RIPK1: variants seen among roughly 807,000 people sequenced by gnomAD.
RIPK1 encodes receptor-interacting serine/threonine-protein kinase 1.
Under a neutral mutation model 62.4 loss-of-function variants are expected in RIPK1, and 27 were observed. The ratio of observed to expected loss-of-function variants is 0.43; its 90% confidence interval spans 0.32 to 0.60. RIPK1 has a LOEUF of 0.60. Among genes scored for constraint, RIPK1 ranks in the 20% least tolerant of loss-of-function variants. RIPK1 has a pLI of 0.07. For synonymous variants in RIPK1, 287 were observed against 303.2 expected (o/e 0.95, Z 0.55); for missense variants, 735 against 831.0 (o/e 0.88, Z 1.42).
intron 9 of RIPK1, among the ~76,000 whole-genome samples, chr6:3,109,826 ACT>A (rs1761061245): frequency 6.6e-6 from 1 of 151,658 alleles, no homozygotes; most frequent in Non-Finnish European, 1.5e-5. Context: ...CCACCATTCT[ACT>A]CTCTGTTTCT....
chr6:3,067,061 T>TTTTC (rs1270176558), upstream of RIPK1, among the ~76,000 whole-genome samples: 2 of 148,484 alleles, frequency 1.3e-5, no homozygotes, highest in Admixed American at 1.3e-4. Flanking sequence ...ATTTTTTTTT[T>TTTTC]TTTTTTTTTT....
chr6:3,081,048 G>A lies in RIPK1; in HGVS notation c.391G>A (p.Gly131Arg). The change falls in exon 4 of 11, where the codon GGA (glycine) becomes AGA (arginine). Residue 131 changes from glycine (G) to arginine (R), a missense_variant. Physicochemically the swap from Gly to Arg is moderately radical, Grantham distance 125. Coordinates refer to ENST00000259808, the MANE Select transcript of RIPK1 (RefSeq NM_001354930.2). ...EIIEGMCYLH[G>R]KGVIHKDLKP... ...CATTGAAGGAATGTGCTACTTACAT[G>A]GAAAAGGCGTGATACACAAGGACCT... is the stretch of plus-strand genomic sequence containing the variant. The A allele has an allele frequency of 6.2e-6, 10 of 1,614,118 alleles. No homozygotes were observed. The highest frequency in any genetic ancestry group is 7.6e-6 in the Non-Finnish European group (9 of 1,179,964).
Position 3,100,191 on chromosome 6 carries a change from T to G in RIPK1, c.916-4034T>G, listed in dbSNP as rs113815272. Among the ~76,000 whole-genome samples the G allele has an allele frequency of 5.3e-3, 801 of 151,644 alleles. 7 individuals are homozygous for G. The highest frequency in any genetic ancestry group is 0.019 in the African/African-American group (784 of 41,300). ...AATTCCAGCACTATGGGAGGCGGAGTTGTACAGATCACTTGAGGTGAGGAG... is the reference window on the plus strand; with the variant it reads ...AATTCCAGCACTATGGGAGGCGGAGGTGTACAGATCACTTGAGGTGAGGAG... On this transcript the variant is annotated intron_variant, in intron 7 of 10. Coordinates refer to ENST00000259808, the MANE Select transcript of RIPK1 (RefSeq NM_001354930.2).
intron 7 of RIPK1, among the ~76,000 whole-genome samples, chr6:3,094,915 A>G (rs933908208): frequency 5.9e-5 from 9 of 152,096 alleles, no homozygotes; most frequent in African/African-American, 2.4e-5. Flanking sequence ...AAAATAAAAA[A>G]TTAATGAGAC....
chr6:3,064,180 G>C (rs1324998267), upstream of RIPK1: 1 of 152,372 alleles, frequency 6.6e-6, no homozygotes, highest in Admixed American at 6.5e-5. Context: ...AGAGCCCCGG[G>C]GAGGCGGTGG....
At chr6:3,109,444 GAGGGT>G (rs1761041989) in intron 9 of RIPK1, among the ~76,000 whole-genome samples, 1 of 152,080 alleles carries the variant, frequency 6.6e-6, no homozygotes, top group Non-Finnish European at 1.5e-5. Flanking sequence ...TCAGAGACAA[GAGGGT>G]AGGGCAGAGC....
At position 3,068,667 on chromosome 6, in the gene RIPK1, C is replaced by A; in HGVS notation, c.-61+6C>A. On this transcript the variant is annotated splice_donor_region_variant and intron_variant, in intron 1 of 10. Coordinates refer to ENST00000259808, the MANE Select transcript of RIPK1 (RefSeq NM_001354930.2). ...CGGCCACGGAGAAGGGCGCGGTGAG[C>A]GGACTGGCACCGCGCGGGGAACATT... is the stretch of plus-strand genomic sequence containing the variant. 1 of 985,144 alleles carries A rather than the reference C, an allele frequency of 1.0e-6. No individual in the cohort carries two copies. The highest frequency in any genetic ancestry group is 1.2e-6 in the Non-Finnish European group (1 of 829,770). The allele number at this position is 985,144 out of a possible 1,614,324, so 61.0% of individuals were successfully genotyped here. A position where few individuals can be genotyped will look rare whatever the true frequency, so the allele number is the denominator to read the frequency against.
chr6:3,082,714 A>G (rs1409987080), intron 4 of RIPK1, among the ~76,000 whole-genome samples: 1 of 152,070 alleles, frequency 6.6e-6, no homozygotes, highest in Non-Finnish European at 1.5e-5. Context: ...GAAAATAACC[A>G]TTTTCCCCCC....
chr6:3,081,568 G>C (rs768883376), intron 4 of RIPK1, among the ~76,000 whole-genome samples: 2 of 152,096 alleles, frequency 1.3e-5, no homozygotes, highest in African/African-American at 4.8e-5. Context: ...TGGCCTAAGA[G>C]TGAGATCAGC....
Position 3,081,133 on chromosome 6 carries a change from AG to A in RIPK1, c.459+19del. The stretch of plus-strand genomic sequence containing the variant: ...CACATTAAGGTAAACCATCATCGGT[AG>A]GCTTCCAGAAAGTTGGGTGATTTTA... On this transcript the variant is annotated intron_variant, in intron 4 of 10. Transcript: ENST00000259808. 1 of 1,609,018 alleles carries A rather than the reference AG, an allele frequency of 6.2e-7. No homozygotes were observed. Among genetic ancestry groups the A allele is most frequent in the East Asian group, 2.2e-5 (1 of 44,840 alleles).
intron 7 of RIPK1, among the ~76,000 whole-genome samples, chr6:3,103,301 TTTA>T (rs1293023892): frequency 1.4e-5 from 2 of 140,882 alleles, no homozygotes; most frequent in African/African-American, 6.5e-5. Context: ...ATTTTATTTA[TTTA>T]TTTTTTTTTT....
intron 7 of RIPK1, among the ~76,000 whole-genome samples, chr6:3,100,591 GT>G (rs1380759550): frequency 1.3e-5 from 2 of 151,916 alleles, no homozygotes; most frequent in East Asian, 1.9e-4. Context: ...ATCTTTGGGG[GT>G]TTTTTTGGTT....
At chr6:3,087,392 C>T (rs1759754703) in intron 6 of RIPK1, among the ~76,000 whole-genome samples, 1 of 151,572 alleles carries the variant, frequency 6.6e-6, no homozygotes, top group South Asian at 2.1e-4. Flanking sequence ...GTTATAGTCC[C>T]ACAGGTCCCT....
upstream of RIPK1, among the ~76,000 whole-genome samples, chr6:3,066,125 G>A (rs190760830): frequency 1.7e-3 from 262 of 152,314 alleles, no homozygotes; most frequent in African/African-American, 5.9e-3. Flanking sequence ...CTGGGTTCAA[G>A]CAATTCTCCC....
At chr6:3,107,570 A>G (rs974948188) in intron 9 of RIPK1, among the ~76,000 whole-genome samples, 190 of 151,144 alleles carry the variant, frequency 1.3e-3, no homozygotes, top group African/African-American at 4.4e-3. Flanking sequence ...CGCAAAAAAA[A>G]AAAAAAAAAA....
chr6:3,111,544 G>A (rs1761157726), intron 10 of RIPK1, among the ~76,000 whole-genome samples: 1 of 150,126 alleles, frequency 6.7e-6, no homozygotes, highest in Non-Finnish European at 1.5e-5. Context: ...GGAACCAATA[G>A]TAAATGTTAG....
intron 6 of RIPK1, among the ~76,000 whole-genome samples, chr6:3,085,883 T>C (rs1483728774): frequency 6.6e-6 from 1 of 152,244 alleles, no homozygotes; most frequent in Non-Finnish European, 1.5e-5. Context: ...TGGCATGATG[T>C]CCTCGAGGTT....
chr6:3,082,959 C>T, intron 4 of RIPK1, 126 bp from the exon 5 acceptor site: 2 of 820,670 alleles, frequency 2.4e-6, no homozygotes, highest in Non-Finnish European at 4.1e-6. Context: ...TGAACCTGCC[C>T]AGTGCAACCA....
At chr6:3,098,106 A>G (rs771669569) in intron 7 of RIPK1, among the ~76,000 whole-genome samples, 12 of 152,158 alleles carry the variant, frequency 7.9e-5, no homozygotes, top group Non-Finnish European at 1.6e-4. Context: ...GGCTGAGATG[A>G]GATGACTGCT....
Sources: allele counts gnomAD v4.1 joint callset (sites outside exome capture counted in the v4.1 genomes callset), GRCh38; gene constraint gnomAD v4.1.1; transcripts MANE v1.5; gene names NCBI Gene and HGNC (gene_info 2026-07-23, HGNC 2026-07-21).